USP34: variants seen among roughly 807,000 people sequenced by gnomAD.
USP34 encodes ubiquitin specific peptidase 34, also known as ubiquitin carboxyl-terminal hydrolase 34.
A neutral mutation model predicts 460.3 loss-of-function variants in USP34; 70 were observed. The ratio of observed to expected loss-of-function variants is 0.15; its 90% confidence interval spans 0.13 to 0.19. The LOEUF is 0.19. Ranked by LOEUF, USP34 falls within the 10% of genes least tolerant of loss-of-function variation. USP34 has a pLI of 1.00. For missense variants in USP34, 3,985 were observed against 4,236.2 expected (o/e 0.94, Z 1.65); for synonymous variants, 1,647 against 1,405.3 (o/e 1.17, Z -3.85).
At chr2:61,255,331 C>T (rs1688695811) in intron 48 of USP34, among the ~76,000 whole-genome samples, 1 of 152,160 alleles carries the variant, frequency 6.6e-6, no homozygotes, top group African/African-American at 2.4e-5. Context: ...TACTAACTCC[C>T]AAATCTACCT....
In USP34 at chr2:61,423,359, G is replaced by A. The variant is rs557284822; in HGVS notation, c.44-2526C>T. Among the ~76,000 whole-genome samples, 10 of 152,078 alleles carry A rather than the reference G, an allele frequency of 6.6e-5. No individual in the cohort carries two copies. In the South Asian group the frequency reaches 1.9e-3, roughly 28 times the overall value. On this transcript the variant is annotated intron_variant, in intron 1 of 79. Coordinates refer to ENST00000398571, the MANE Select transcript of USP34 (RefSeq NM_014709.4). ...ACTCCTGATCATAAGTGATATGCCC[G>A]CCTCAGCCTCCCAAAGTGCTGGGAT...
intron 58 of USP34, among the ~76,000 whole-genome samples, chr2:61,230,387 G>A (rs780671502): frequency 4.6e-5 from 7 of 152,190 alleles, no homozygotes; most frequent in East Asian, 1.9e-4. Flanking sequence ...TTAGCCGGGC[G>A]TGGTGGTGGG....
chr2:61,286,850 T>C (rs1689704093), intron 34 of USP34, among the ~76,000 whole-genome samples: 1 of 152,174 alleles, frequency 6.6e-6, no homozygotes, highest in African/African-American at 2.4e-5. Flanking sequence ...ACGTGCGTAT[T>C]TTACACATAC....
intron 2 of USP34, 88 bp downstream of exon 2, chr2:61,420,658 C>T: frequency 1.1e-6 from 1 of 869,708 alleles, no homozygotes; most frequent in Non-Finnish European, 1.8e-6. Flanking sequence ...TCTAACCCAA[C>T]ACCCTAAAAA....
intron 1 of USP34, among the ~76,000 whole-genome samples, chr2:61,435,981 T>C (rs1405464328): frequency 6.6e-6 from 1 of 151,788 alleles, no homozygotes; most frequent in Non-Finnish European, 1.5e-5. Flanking sequence ...TAAACCAAGA[T>C]CACCCCATTG....
At chr2:61,411,911 G>A (rs556082260) in intron 2 of USP34, among the ~76,000 whole-genome samples, 13 of 152,212 alleles carry the variant, frequency 8.5e-5, no homozygotes, top group Admixed American at 5.9e-4. Context: ...CAGTAAGGGC[G>A]GGCGTGGTGG....
At chr2:61,189,233 T>TAAG in intron 78 of USP34, 164 bp from the exon 79 acceptor site, 2 of 708,416 alleles carry the variant, frequency 2.8e-6, no homozygotes, top group South Asian at 4.6e-5. Flanking sequence ...AAGCCAGTGT[T>TAAG]AAGATACTAC....
chr2:61,405,762 T>A lies in USP34; in HGVS notation c.498A>T (p.Gln166His). 1.2e-6 allele frequency: 2 copies of A among 1,601,028 alleles called. No individual in the cohort carries two copies. The highest frequency in any genetic ancestry group is 2.7e-5 in the African/African-American group (2 of 74,032). ...AAGCAGTATATAAGGGAAACTGAAT[T>A]TGAAAAATTTTTGCCACACATAGTA... The part of the protein sequence containing the change: ...KLLLCVAKIF[Q>H]IQFPLYTAYK... Residue 166 changes from glutamine to histidine, a missense_variant, in exon 3 of 80, where the codon CAA becomes CAT. Coordinates refer to ENST00000398571, the MANE Select transcript of USP34 (RefSeq NM_014709.4).
At chr2:61,430,873 G>T (rs1439086618) in intron 1 of USP34, among the ~76,000 whole-genome samples, 2 of 152,136 alleles carry the variant, frequency 1.3e-5, no homozygotes, top group African/African-American at 4.8e-5. Context: ...GCATGGTAGT[G>T]CAAGCCTGTA....
intron 21 of USP34, among the ~76,000 whole-genome samples, chr2:61,320,120 T>C (rs1022013982): frequency 3.9e-5 from 6 of 152,166 alleles, no homozygotes; most frequent in African/African-American, 1.4e-4. Context: ...TACCACATCA[T>C]TTATGGCTAT....
chr2:61,262,038 C>A (rs1244010368), intron 43 of USP34, among the ~76,000 whole-genome samples: 3 of 133,420 alleles, frequency 2.2e-5, no homozygotes, highest in Non-Finnish European at 4.6e-5. Context: ...TTGCAGTGAG[C>A]CAAGATCGCG....
intron 41 of USP34, chr2:61,277,809 A>C (rs1325469709): frequency 2.2e-5 from 4 of 182,132 alleles, no homozygotes. Flanking sequence ...GTGGGAGATG[A>C]CTGAATCATG....
chr2:61,238,303 A>G (rs1233952111), intron 53 of USP34, among the ~76,000 whole-genome samples: 2 of 152,200 alleles, frequency 1.3e-5, no homozygotes, highest in African/African-American at 4.8e-5. Context: ...AAACATGCCA[A>G]TAAGCTCTGT....
intron 1 of USP34, among the ~76,000 whole-genome samples, chr2:61,445,400 T>C (rs1203578080): frequency 6.6e-6 from 1 of 151,320 alleles, no homozygotes; most frequent in Non-Finnish European, 1.5e-5. Context: ...CGGGGCGTGG[T>C]GGCAAGCACC....
At chr2:61,289,026 G>A in intron 33 of USP34, 149 bp from the exon 34 acceptor site, 1 of 741,362 alleles carries the variant, frequency 1.3e-6, no homozygotes, top group Non-Finnish European at 2.1e-6. Flanking sequence ...CAAATATTAT[G>A]GTCAGTACCA....
chr2:61,355,242 G>C (rs941708497), intron 10 of USP34, among the ~76,000 whole-genome samples: 2 of 152,150 alleles, frequency 1.3e-5, no homozygotes, highest in African/African-American at 4.8e-5. Context: ...GAAAAAAAAT[G>C]AGACAAATGC....
chr2:61,227,589 TA>T (rs910423190), intron 61 of USP34, among the ~76,000 whole-genome samples: 1 of 152,058 alleles, frequency 6.6e-6, no homozygotes, highest in Non-Finnish European at 1.5e-5. Flanking sequence ...CACGCGCTTG[TA>T]ATCCCTGCTA....
intron 15 of USP34, 47 bp from the exon 16 acceptor site, chr2:61,344,076 C>G: frequency 6.3e-7 from 1 of 1,575,330 alleles, no homozygotes; most frequent in Non-Finnish European, 8.7e-7. Context: ...GAATGTGAAT[C>G]TAATTTGTGA....
At chr2:61,207,117 G>T in intron 70 of USP34, 1 of 363,244 alleles carries the variant, frequency 2.8e-6, no homozygotes, top group Non-Finnish European at 4.9e-6. Flanking sequence ...CTAGTCTGAA[G>T]AAATAGTTTA....
Sources: gnomAD v4.1 joint callset for allele counts (sites outside exome capture counted in the v4.1 genomes callset) on GRCh38, gnomAD v4.1.1 for gene constraint, MANE v1.5 for transcripts, NCBI Gene and HGNC (gene_info 2026-07-23, HGNC 2026-07-21) for gene names.